Variants in MORN1 observed in about 807,000 individuals in gnomAD.
MORN1 encodes MORN repeat-containing protein 1.
In MORN1, 67 loss-of-function variants were observed where a neutral mutation model predicts 61.9. The observed-to-expected ratio is 1.08, with a 90% CI of 0.89 to 1.33. The LOEUF (loss-of-function observed/expected upper bound fraction) is 1.33, where lower values mean the gene tolerates loss of function less well. Ranked by LOEUF, MORN1 falls within the 40% of genes most tolerant of loss-of-function variation. The pLI, the probability that MORN1 is intolerant of heterozygous loss-of-function variation, is 0.00. For synonymous variants in MORN1, 301 were observed against 292.0 expected, an observed-to-expected ratio of 1.03 and a Z score of -0.31; for missense variants, 752 against 691.2, an observed-to-expected ratio of 1.09 and a Z score of -0.99.
At chr1:2,356,978 C>T (rs1469340476) in intron 10 of MORN1, among the ~76,000 whole-genome samples, 1 of 152,176 alleles carries the variant, frequency 6.6e-6, no homozygotes, top group African/African-American at 2.4e-5. Context: ...TGAGGCAACC[C>T]GTGCAGAAGC....
intron 8 of MORN1, 22 bp from the exon 9 acceptor site, chr1:2,358,737 C>T: frequency 6.3e-7 from 1 of 1,598,240 alleles, no homozygotes; most frequent in Non-Finnish European, 8.5e-7. Flanking sequence ...GAGGAGCAGG[C>T]AGTGAACACT....
intron 12 of MORN1, among the ~76,000 whole-genome samples, chr1:2,328,439 C>T (rs1253429637): frequency 1.3e-5 from 2 of 152,202 alleles, no homozygotes; most frequent in Non-Finnish European, 1.5e-5. Context: ...TGGGGTTCCA[C>T]GTGGCCTCTA....
intron 4 of MORN1, chr1:2,386,145 C>A (rs1642493641): frequency 5.8e-6 from 3 of 516,480 alleles, no homozygotes; most frequent in East Asian, 3.3e-5. Context: ...GCTGACAGGG[C>A]AGCAAAAATG....
chr1:2,321,440 G>C lies in MORN1; in HGVS notation c.1437C>G (p.Ala479=). 6.5e-7 allele frequency: 1 copy of C among 1,541,528 alleles called. No individual in the cohort carries two copies. The highest frequency in any genetic ancestry group is 1.2e-5 in the South Asian group (1 of 83,520). ...TGTGGGCGGCCTGCCAGCTGCTTGA[G>C]GCTTCAGGGCCTTCTTCCAGGACAT... ...PPHVLEEGPE[A]SSSWQAAHSC... Residue 479 remains alanine, a synonymous_variant, in exon 14 of 14, where the codon GCC becomes GCG. Transcript: ENST00000378531.
intron 10 of MORN1, among the ~76,000 whole-genome samples, chr1:2,342,297 G>GA (rs1401609867): frequency 6.6e-6 from 1 of 152,244 alleles, no homozygotes; most frequent in Non-Finnish European, 1.5e-5. Flanking sequence ...GATGCTGCCC[G>GA]AATCAACAAG....
intron 8 of MORN1, among the ~76,000 whole-genome samples, chr1:2,368,461 C>A (rs918901334): frequency 2.6e-5 from 4 of 152,212 alleles, no homozygotes; most frequent in Non-Finnish European, 5.9e-5. Context: ...AGGCCATTGC[C>A]ATGGAAAGGG....
chr1:2,380,157 C>A (rs898866403), intron 6 of MORN1, among the ~76,000 whole-genome samples: 1 of 152,232 alleles, frequency 6.6e-6, no homozygotes, highest in South Asian at 2.1e-4. Context: ...ACACCACTCA[C>A]AGGAGGCCCT....
intron 3 of MORN1, chr1:2,387,737 A>C: frequency 3.5e-6 from 2 of 579,060 alleles, no homozygotes; most frequent in Non-Finnish European, 6.2e-6. Context: ...AGACAGCCCC[A>C]GGCAGACACT....
chr1:2,346,488 C>A (rs1009082754), intron 10 of MORN1, among the ~76,000 whole-genome samples: 2 of 152,326 alleles, frequency 1.3e-5, no homozygotes, highest in Admixed American at 1.3e-4. Flanking sequence ...CTGGTTCAAG[C>A]GATTCTTCTG....
chr1:2,385,880 C>A lies in MORN1; in HGVS notation c.376G>T (p.Asp126Tyr), dbSNP rs748601763. 3.1e-6 allele frequency: 5 copies of A among 1,613,842 alleles called. No individual in the cohort carries two copies. Among genetic ancestry groups the A allele is most frequent in the Non-Finnish European group, 4.2e-6 (5 of 1,180,018 alleles). Residue 126 changes from aspartate to tyrosine, a missense_variant, in exon 5 of 14, where the codon GAC becomes TAC. By Grantham distance (160) the Asp-to-Tyr change is radical (BLOSUM62 -3). Coordinates refer to ENST00000378531, the MANE Select transcript of MORN1 (RefSeq NM_024848.3). Reference sequence around the variant, plus strand: ...CCCTGGTACACTTGTCCATCCCGGTCCACCAGAAACCCGTGTCCTGGAGAA... The same window carrying A: ...CCCTGGTACACTTGTCCATCCCGGTACACCAGAAACCCGTGTCCTGGAGAA... ...GMREGHGFLV[D>Y]RDGQVYQGSF...
At chr1:2,338,373 G>A (rs1343711071) in intron 10 of MORN1, among the ~76,000 whole-genome samples, 2 of 152,266 alleles carry the variant, frequency 1.3e-5, no homozygotes, top group Admixed American at 1.3e-4. Flanking sequence ...CGGGGCAATG[G>A]CTGGGAGCTG....
At chr1:2,381,033 G>A (rs1642360211) in intron 6 of MORN1, among the ~76,000 whole-genome samples, 1 of 152,240 alleles carries the variant, frequency 6.6e-6, no homozygotes. Flanking sequence ...GAGGCACTGT[G>A]ACCGGAGGGC....
At chr1:2,367,119 C>T (rs187419732) in intron 8 of MORN1, among the ~76,000 whole-genome samples, 176 of 152,034 alleles carry the variant, frequency 1.2e-3, no homozygotes, top group African/African-American at 4.1e-3. Context: ...AAACTCTTCC[C>T]GAAAATTGAA....
Position 2,372,458 on chromosome 1 carries a change from C to A in MORN1, c.745+23G>T. Reference sequence around the variant, plus strand: ...TGTTTCTCTTTTGGAAACGTTAGGTCATCTCCCCCTGGAGATGCTTACTCT... The same window carrying A: ...TGTTTCTCTTTTGGAAACGTTAGGTAATCTCCCCCTGGAGATGCTTACTCT... On this transcript the variant is annotated intron_variant, in intron 8 of 13. Transcript: ENST00000378531. This position sits in a 1 kb window ranked among gnomAD's most constrained non-coding sequence, Gnocchi z 5.4. 6.3e-7 allele frequency: 1 copy of A among 1,575,922 alleles called. No individual in the cohort carries two copies. Among genetic ancestry groups the A allele is most frequent in the South Asian group, 1.1e-5 (1 of 89,490 alleles).
intron 10 of MORN1, among the ~76,000 whole-genome samples, chr1:2,342,233 C>G (rs1214477671): frequency 6.6e-6 from 1 of 152,190 alleles, no homozygotes; most frequent in Admixed American, 6.5e-5. Context: ...CTTTTTACGG[C>G]GGACTCAATT....
intron 10 of MORN1, chr1:2,351,927 C>T: frequency 1.9e-6 from 1 of 519,220 alleles, no homozygotes; most frequent in Non-Finnish European, 3.8e-6. Context: ...TATGAGGCCA[C>T]CCACGGGCCC....
At chr1:2,356,509 C>T (rs1569983302) in intron 10 of MORN1, among the ~76,000 whole-genome samples, 1 of 152,114 alleles carries the variant, frequency 6.6e-6, no homozygotes, top group Non-Finnish European at 1.5e-5. Context: ...CTTTGGGGAC[C>T]GGGAACCTCA....
rs113404297 is a variant in MORN1 at position 2,343,594 on chromosome 1, C to T, written c.1037-6744G>A. ...GCTGCTGTCCTCAGGGTTCTCCTCA[C>T]CTCCACTGCATTCCCACGAGCTGTT... is the stretch of plus-strand genomic sequence containing the variant. On this transcript the variant is annotated intron_variant, in intron 10 of 13. Coordinates refer to ENST00000378531, the MANE Select transcript of MORN1 (RefSeq NM_024848.3). 8.6e-3 allele frequency among the ~76,000 whole-genome samples: 1,307 copies of T among 152,244 alleles called. 22 individuals carry two copies. Among genetic ancestry groups the T allele is most frequent in the African/African-American group, 0.03 (1,257 of 41,538 alleles).
At chr1:2,362,628 A>G (rs1641911854) in intron 8 of MORN1, among the ~76,000 whole-genome samples, 1 of 152,208 alleles carries the variant, frequency 6.6e-6, no homozygotes, top group African/African-American at 2.4e-5. Context: ...AAATTTCCAA[A>G]TTTAATGAAA....
Sources: gnomAD v4.1 joint callset for allele counts (sites outside exome capture counted in the v4.1 genomes callset) on GRCh38, gnomAD v4.1.1 for gene constraint, Gnocchi (gnomAD v3.1) non-coding constraint, MANE v1.5 for transcripts, NCBI Gene and HGNC (gene_info 2026-07-23, HGNC 2026-07-21) for gene names.